The following CDKL5 variants were observed in gnomAD, a reference collection of about 807,000 sequenced individuals.
CDKL5 encodes cyclin-dependent kinase-like 5.
CDKL5 carries 8 observed loss-of-function variants against 61.7 expected under a neutral mutation model. The observed-to-expected ratio is 0.13, with a 90% CI of 0.08 to 0.23. CDKL5 has a LOEUF of 0.23. CDKL5 is among the 10% of genes least tolerant of loss of function. The pLI is 1.00. For synonymous variants in CDKL5, 275 were observed against 272.3 expected (o/e 1.01, Z -0.10); for missense variants, 440 against 734.5 (o/e 0.60, Z 4.63).
At chrX:18,599,072 T>G (rs940986944) in intron 11 of CDKL5, among the ~76,000 whole-genome samples, 1 of 112,704 alleles carries the variant, frequency 8.9e-6, no homozygotes, top group African/African-American at 3.2e-5. Flanking sequence ...GGTCTTGTGT[T>G]TTTGTTGCTC....
At chrX:18,559,199 TTTTTGTTTTG>T (rs1164916695) in intron 3 of CDKL5, among the ~76,000 whole-genome samples, 5 of 111,608 alleles carry the variant, frequency 4.5e-5, no homozygotes, top group Admixed American at 3.8e-4. Context: ...AGGATGAGGT[TTTTTGTTTTG>T]TTTTGTTTTG....
intron 21 of CDKL5, among the ~76,000 whole-genome samples, chrX:18,652,609 C>T (rs1445125347): frequency 8.1e-5 from 9 of 111,107 alleles, no homozygotes; most frequent in Non-Finnish European, 1.7e-4. Flanking sequence ...GCAGAGCTTG[C>T]AGTGAGCCAA....
chrX:18,463,411 CATT>C (rs968095460), intron 1 of CDKL5, among the ~76,000 whole-genome samples: 1 of 112,112 alleles, frequency 8.9e-6, no homozygotes, highest in Admixed American at 9.5e-5. Context: ...ATTAGCAAAA[CATT>C]ATTCTCTTTA....
intron 1 of CDKL5, among the ~76,000 whole-genome samples, chrX:18,481,897 C>T (rs777382416): frequency 2.7e-5 from 3 of 110,316 alleles, no homozygotes; most frequent in Middle Eastern, 4.6e-3. Context: ...ACAGAGGCTG[C>T]GAGGGGTGGC....
At chrX:18,643,054 CAAAA>C (rs775540160), downstream of CDKL5, among the ~76,000 whole-genome samples, 72 of 111,268 alleles carry the variant, frequency 6.5e-4, no homozygotes, top group Admixed American at 1.4e-3. Flanking sequence ...CAAAACAAAA[CAAAA>C]AGACATAAAA....
chrX:18,496,050 A>G (rs1407688955), intron 1 of CDKL5, among the ~76,000 whole-genome samples: 2 of 112,482 alleles, frequency 1.8e-5, no homozygotes, highest in Non-Finnish European at 3.7e-5. Flanking sequence ...ATGAGAATGA[A>G]TGAATAACCA....
chrX:18,442,660 C>CT (rs1225197555), intron 1 of CDKL5, among the ~76,000 whole-genome samples: 5 of 110,588 alleles, frequency 4.5e-5, no homozygotes, highest in Non-Finnish European at 7.6e-5. Flanking sequence ...CGCCCGGCTA[C>CT]TTTTTTTGTA....
chrX:18,545,719 C>A (rs780359088), intron 3 of CDKL5, among the ~76,000 whole-genome samples: 25 of 112,061 alleles, frequency 2.2e-4, no homozygotes, highest in Non-Finnish European at 4.5e-4. Flanking sequence ...AAATTTTCTG[C>A]CATGTTTTGT....
intron 5 of CDKL5, among the ~76,000 whole-genome samples, chrX:18,576,370 G>A (rs763524527): frequency 8.9e-6 from 1 of 111,993 alleles, no homozygotes; most frequent in Non-Finnish European, 1.9e-5. Context: ...AGAAGAAACT[G>A]GAGTGGGGCA....
intron 9 of CDKL5, 157 bp downstream of exon 9, chrX:18,588,300 T>G: frequency 2.4e-6 from 1 of 412,123 alleles, no homozygotes; most frequent in Non-Finnish European, 4.1e-6. Flanking sequence ...TCCGAATTTT[T>G]TAATAGTACT....
chrX:18,626,714 CTCTCT>C (rs1927063559), intron 17 of CDKL5: 1 of 50,158 alleles, frequency 2.0e-5, no homozygotes, highest in Non-Finnish European at 3.5e-5. Flanking sequence ...CTCTCTCTCT[CTCTCT>C]CTCTCCCCCC....
At chrX:18,488,970 T>C (rs1056685908) in intron 1 of CDKL5, among the ~76,000 whole-genome samples, 7 of 111,394 alleles carry the variant, frequency 6.3e-5, no homozygotes, top group Admixed American at 5.7e-4. Context: ...GAAATAGAAG[T>C]ATTTTACCCT....
intron 1 of CDKL5, among the ~76,000 whole-genome samples, chrX:18,505,611 C>T (rs190693528): frequency 9.8e-5 from 11 of 111,883 alleles, no homozygotes; most frequent in Admixed American, 9.5e-4. Flanking sequence ...TCAGCTTGGG[C>T]TTGTCTCTTG....
At chrX:18,454,696 A>G (rs972420862) in intron 1 of CDKL5, among the ~76,000 whole-genome samples, 1 of 108,644 alleles carries the variant, frequency 9.2e-6, no homozygotes, top group Non-Finnish European at 1.9e-5. Flanking sequence ...AGCTGGGATT[A>G]TAGGCGCACA....
intron 1 of CDKL5, among the ~76,000 whole-genome samples, chrX:18,499,509 C>T (rs1256719888): frequency 9.1e-6 from 1 of 109,783 alleles, no homozygotes; most frequent in Non-Finnish European, 1.9e-5. Flanking sequence ...TACAGGCGCC[C>T]ACCACAATGC....
In CDKL5 at chrX:18,603,942, A is replaced by C; in HGVS notation, c.1018A>C (p.Arg340=). The C allele has an allele frequency of 1.7e-6, 2 of 1,210,555 alleles. No homozygotes were observed. The highest frequency in any genetic ancestry group is 2.2e-6 in the Non-Finnish European group (2 of 894,364). ...AAGTACTGCTTTGCAGTCTCACCAC[A>C]GATCTAACAGCAAGGACATCCAGAA... ...GKSTALQSHH[R]SNSKDIQNLS... Residue 340 remains arginine (R), a synonymous_variant, in exon 12 of 18, where the codon AGA becomes CGA. Coordinates refer to ENST00000623535, the MANE Select transcript of CDKL5 (RefSeq NM_001323289.2).
intron 1 of CDKL5, among the ~76,000 whole-genome samples, chrX:18,459,149 A>T (rs5909479): frequency 8.9e-6 from 1 of 112,670 alleles, no homozygotes; most frequent in African/African-American, 3.2e-5. Context: ...GCTTTATTCA[A>T]CGTGTATCCT....
At chrX:18,482,949 T>C (rs1354666087) in intron 1 of CDKL5, among the ~76,000 whole-genome samples, 1 of 112,151 alleles carries the variant, frequency 8.9e-6, no homozygotes, top group Admixed American at 9.5e-5. Context: ...TTTAAAATAT[T>C]TTATTTTCCT....
rs775543734 is a variant in CDKL5, at chrX:18,430,931, G to A, written c.-163+5236G>A. ...GGCTGGAGTGCAGTGATGGGATCTC[G>A]GCTCGCCGCAACCTCCGCCCCCCAG... On this transcript the variant is annotated intron_variant, in intron 1 of 17. Transcript: ENST00000623535. 5.6e-5 allele frequency among the ~76,000 whole-genome samples: 6 copies of A among 107,794 alleles called. No homozygotes were observed. In the South Asian group the frequency reaches 2.1e-3, roughly 37 times the overall value. The allele number at this position is 107,794 out of a possible 115,157, so 93.6% of individuals were successfully genotyped here. A position where few individuals can be genotyped will look rare whatever the true frequency, so the allele number is the denominator to read the frequency against.
Sources: allele counts gnomAD v4.1 joint callset (sites outside exome capture counted in the v4.1 genomes callset), GRCh38; gene constraint gnomAD v4.1.1; transcripts MANE v1.5; gene names NCBI Gene and HGNC (gene_info 2026-07-23, HGNC 2026-07-21).